NFIB: variants seen among roughly 807,000 people sequenced by gnomAD.
NFIB encodes the protein nuclear factor 1 B-type.
A neutral mutation model predicts 61.5 loss-of-function variants in NFIB; 11 were observed. The ratio of observed to expected loss-of-function variants is 0.18; its 90% confidence interval spans 0.11 to 0.30. The LOEUF (loss-of-function observed/expected upper bound fraction) is 0.30, where lower values mean the gene tolerates loss of function less well. NFIB is among the 10% of genes least tolerant of loss of function. The pLI is 1.00. For synonymous variants in NFIB, 260 were observed against 216.5 expected, an observed-to-expected ratio of 1.20 and a Z score of -1.76; for missense variants, 471 against 608.9, an observed-to-expected ratio of 0.77 and a Z score of 2.38.
intron 2 of NFIB, among the ~76,000 whole-genome samples, chr9:14,219,561 C>A (rs1302861502): frequency 6.6e-6 from 1 of 152,070 alleles, no homozygotes; most frequent in Non-Finnish European, 1.5e-5. Context: ...CAGATTCAAG[C>A]CAGGATTTTG....
the NFIB span, among the ~76,000 whole-genome samples, chr9:14,424,983 C>A: frequency 1.9e-3 from 293 of 152,200 alleles, no homozygotes; most frequent in African/African-American, 5.3e-3. Context: ...AATCTCCCCC[C>A]CTGGGCCTTT....
chr9:14,260,379 G>A (rs4740562), intron 2 of NFIB, among the ~76,000 whole-genome samples: 15,215 of 152,178 alleles, frequency 0.1, 1,059 homozygotes, highest in East Asian at 0.24. Flanking sequence ...AAGTCTTCCA[G>A]ACAAAATTGC....
At chr9:14,228,397 C>T (rs867547432) in intron 2 of NFIB, among the ~76,000 whole-genome samples, 3 of 151,864 alleles carry the variant, frequency 2.0e-5, no homozygotes, top group Non-Finnish European at 4.4e-5. Context: ...GGTTTCACCA[C>T]GTTGGCCAGG....
chr9:14,312,552 A>G (rs2132747551), intron 1 of NFIB, among the ~76,000 whole-genome samples: 1 of 152,328 alleles, frequency 6.6e-6, no homozygotes, highest in Non-Finnish European at 1.5e-5. Flanking sequence ...CTGGGCAGCG[A>G]TGAAAACTGC....
the NFIB span, among the ~76,000 whole-genome samples, chr9:14,460,017 A>T: frequency 1.3e-5 from 2 of 152,142 alleles, no homozygotes; most frequent in South Asian, 4.2e-4. Flanking sequence ...CCCATTACTG[A>T]GTATATACCC....
rs561577826 is a variant in NFIB, at chr9:14,228,351, C to T, written c.563-48571G>A. 8.4e-4 allele frequency among the ~76,000 whole-genome samples: 128 copies of T among 152,020 alleles called. 4 individuals carry two copies. The South Asian group carries it at 0.023, about 28-fold the overall frequency. ...CTGGGATTACAGGAGCACACCACCA[C>T]GCCTGGCTAATTTTTTGCATGTTTA... On this transcript the variant is annotated intron_variant, in intron 2 of 10. Coordinates refer to ENST00000380953, the MANE Select transcript of NFIB (RefSeq NM_001190737.2).
rs565276770 is a variant in NFIB, at chr9:14,084,778, A to C, written c.*3531T>G. Reference sequence around the variant, plus strand: ...AGAATATACTTCCTGGTACACGAGGAGGAGGCCGAAAAGTTGATTTGAGAT... The same window carrying C: ...AGAATATACTTCCTGGTACACGAGGCGGAGGCCGAAAAGTTGATTTGAGAT... On this transcript the variant is annotated 3_prime_UTR_variant, in exon 11 of 11. Coordinates refer to ENST00000380953, the MANE Select transcript of NFIB (RefSeq NM_001190737.2). 2 of 229,114 alleles carry C rather than the reference A, an allele frequency of 8.7e-6. No homozygotes were observed. The highest frequency in any genetic ancestry group is 1.2e-4 in the East Asian group (2 of 16,022). The allele number at this position is 229,114 out of a possible 1,614,324, so 14.2% of individuals were successfully genotyped here. A position where few individuals can be genotyped will look rare whatever the true frequency, so the allele number is the denominator to read the frequency against.
At chr9:14,414,886 C>G in the NFIB span, among the ~76,000 whole-genome samples, 1 of 152,254 alleles carries the variant, frequency 6.6e-6, no homozygotes, top group East Asian at 1.9e-4. Context: ...TGTAGACTTC[C>G]CCACACACTG....
chr9:14,482,184 G>A, the NFIB span, among the ~76,000 whole-genome samples: 1 of 150,698 alleles, frequency 6.6e-6, no homozygotes, highest in African/African-American at 2.4e-5. Context: ...AGTTTTCTTA[G>A]TTCACGAATC....
chr9:14,478,734 G>A, the NFIB span, among the ~76,000 whole-genome samples: 5 of 152,048 alleles, frequency 3.3e-5, no homozygotes, highest in African/African-American at 4.8e-5. Flanking sequence ...TATATATTTA[G>A]CATTTCTCTA....
chr9:14,202,626 A>G (rs1194632138), intron 2 of NFIB, among the ~76,000 whole-genome samples: 2 of 152,204 alleles, frequency 1.3e-5, no homozygotes, highest in African/African-American at 4.8e-5. Context: ...CAAAGTTTCT[A>G]AATGGAATGA....
intron 10 of NFIB, among the ~76,000 whole-genome samples, chr9:14,109,170 T>C (rs562198613): frequency 6.6e-6 from 1 of 152,186 alleles, no homozygotes; most frequent in African/African-American, 2.4e-5. Context: ...AGTTGTCTCT[T>C]ATTATTCATC....
rs1349322599 is a variant in NFIB at position 14,313,458 on chromosome 9, C to T, written c.30+24G>A. The T allele has an allele frequency of 1.9e-6, 3 of 1,613,670 alleles. 1 individual carries two copies. In the African/African-American group the frequency reaches 4.0e-5, roughly 22 times the overall value. On this transcript the variant is annotated intron_variant, in intron 1 of 10. Coordinates refer to ENST00000380953, the MANE Select transcript of NFIB (RefSeq NM_001190737.2). This position sits in a 1 kb window ranked among gnomAD's most constrained non-coding sequence, Gnocchi z 4.5. The stretch of plus-strand genomic sequence containing the variant: ...GGCATTTCGGGCCAGAGAGAAAGCT[C>T]GAGAAAGCGACCGAGACATGTACCT...
At chr9:14,294,856 A>T (rs969264151) in intron 2 of NFIB, among the ~76,000 whole-genome samples, 2 of 152,326 alleles carry the variant, frequency 1.3e-5, no homozygotes, top group Middle Eastern at 3.4e-3. Flanking sequence ...GATTGTGGAT[A>T]TGAGCTAATC....
Position 14,082,602 on chromosome 9 carries a change from AACAGAG to A in NFIB, c.*5701_*5706del. ...TTGAAACATATTTACAACTGAACTCAACAGAGACTGTGAAATTGAACAGGCACTGCT... is the reference window on the plus strand; with the variant it reads ...TTGAAACATATTTACAACTGAACTCAACTGTGAAATTGAACAGGCACTGCT... On this transcript the variant is annotated 3_prime_UTR_variant, in exon 11 of 11. Transcript: ENST00000380953. 1 of 206,956 alleles carries A rather than the reference AACAGAG, an allele frequency of 4.8e-6. No homozygotes were observed. 12.8% of individuals were successfully genotyped at this position (206,956 alleles called of 1,614,324 possible).
chr9:14,299,524 T>G (rs1025526853), intron 2 of NFIB, among the ~76,000 whole-genome samples: 8 of 152,254 alleles, frequency 5.3e-5, no homozygotes, highest in African/African-American at 1.9e-4. Flanking sequence ...AGGTAATTCT[T>G]ATTTTATTTC....
the NFIB span, among the ~76,000 whole-genome samples, chr9:14,466,984 G>C: frequency 7.9e-5 from 12 of 152,160 alleles, no homozygotes; most frequent in Non-Finnish European, 1.8e-4. Flanking sequence ...CCACAGCTGA[G>C]GCTTCACTGC....
At chr9:14,373,305 C>T (rs545535977) in intron 1 of NFIB, among the ~76,000 whole-genome samples, 2 of 152,214 alleles carry the variant, frequency 1.3e-5, no homozygotes, top group Non-Finnish European at 2.9e-5. Context: ...TTTATGAGAA[C>T]TTACCTTCCC....
At chr9:14,389,733 C>T (rs1028023647) in intron 1 of NFIB, among the ~76,000 whole-genome samples, 2 of 146,480 alleles carry the variant, frequency 1.4e-5, no homozygotes, top group Non-Finnish European at 3.1e-5. Flanking sequence ...TCAGTGTGGC[C>T]TTTCCCAGCA....
Sources: gnomAD v4.1 joint callset for allele counts (sites outside exome capture counted in the v4.1 genomes callset) on GRCh38, gnomAD v4.1.1 for gene constraint, Gnocchi (gnomAD v3.1) non-coding constraint, MANE v1.5 for transcripts, NCBI Gene and HGNC (gene_info 2026-07-23, HGNC 2026-07-21) for gene names.